MLF1: variants seen among roughly 807,000 people sequenced by gnomAD.
The protein encoded by MLF1 is myelodysplasia-myeloid leukemia factor 1.
Under a neutral mutation model 38.3 loss-of-function variants are expected in MLF1, and 37 were observed. That is an observed-to-expected ratio of 0.96 (90% confidence interval 0.74 to 1.27). MLF1 has a LOEUF of 1.27. Among genes scored for constraint, MLF1 ranks in the 50% most tolerant of loss-of-function variants. The probability of loss-of-function intolerance (pLI) is 0.00; values close to 1 mark genes in which losing one functional copy is unlikely to be tolerated. For synonymous variants in MLF1, 95 were observed against 106.5 expected, an observed-to-expected ratio of 0.89 and a Z score of 0.66; for missense variants, 331 against 349.2, an observed-to-expected ratio of 0.95 and a Z score of 0.42.
intron 7 of MLF1, 23 bp downstream of exon 7, chr3:158,602,962 T>A: frequency 6.3e-7 from 1 of 1,590,390 alleles, no homozygotes; most frequent in Non-Finnish European, 8.5e-7. Context: ...TCTAAAATAG[T>A]TTGGTTTTTT....
intron 1 of MLF1, among the ~76,000 whole-genome samples, chr3:158,572,408 TTGG>T (rs1174061817): frequency 1.1e-5 from 1 of 92,076 alleles, no homozygotes; most frequent in Non-Finnish European, 2.2e-5. Context: ...AGGGCATGAG[TTGG>T]TGGGGATGGT....
At chr3:158,597,001 T>C in intron 4 of MLF1, 56 bp downstream of exon 4, 1 of 1,145,768 alleles carries the variant, frequency 8.7e-7, no homozygotes, top group East Asian at 2.5e-5. Flanking sequence ...TATATTCTAT[T>C]TCATAGTGGC....
chr3:158,583,627 T>C (rs562301823), intron 1 of MLF1, among the ~76,000 whole-genome samples: 170 of 152,190 alleles, frequency 1.1e-3, no homozygotes, highest in Non-Finnish European at 2.0e-3. Flanking sequence ...GTCTCAGATA[T>C]TGAACCAAAC....
intron 1 of MLF1, among the ~76,000 whole-genome samples, chr3:158,590,085 T>C (rs2108608978): frequency 6.6e-6 from 1 of 152,266 alleles, no homozygotes; most frequent in East Asian, 1.9e-4. Context: ...AATATATTCA[T>C]GTTAAGAGAA....
At position 158,598,299 on chromosome 3, in the gene MLF1, G is replaced by A. The variant is rs923736514; in HGVS notation, c.453+91G>A. The A allele has an allele frequency of 7.7e-6, 8 of 1,039,612 alleles. No homozygotes were observed. The Admixed American group carries it at 2.0e-4, about 26-fold the overall frequency. The allele number at this position is 1,039,612 out of a possible 1,614,324, so 64.4% of individuals were successfully genotyped here. A position where few individuals can be genotyped will look rare whatever the true frequency, so the allele number is the denominator to read the frequency against. ...ATTTTAACTATTAAAATTTAATCTG[G>A]TACAAGATGGTGGGGGGACAGGAGG... On this transcript the variant is annotated intron_variant, in intron 5 of 7. Transcript: ENST00000466246.
intron 1 of MLF1, among the ~76,000 whole-genome samples, chr3:158,577,867 C>T (rs1715690878): frequency 6.6e-6 from 1 of 152,124 alleles, no homozygotes; most frequent in South Asian, 2.1e-4. Flanking sequence ...TATAGAATAT[C>T]AGGGGAGCAT....
chr3:158,582,177 C>CAA (rs1184908201), intron 1 of MLF1, among the ~76,000 whole-genome samples: 1 of 143,028 alleles, frequency 7.0e-6, no homozygotes, highest in Non-Finnish European at 1.5e-5. Flanking sequence ...GAGACTCTGT[C>CAA]AAAAAAAAAA....
At chr3:158,595,159 A>T (rs975007246) in intron 3 of MLF1, among the ~76,000 whole-genome samples, 1 of 152,176 alleles carries the variant, frequency 6.6e-6, no homozygotes, top group Non-Finnish European at 1.5e-5. Flanking sequence ...AAGATGAAAC[A>T]GGGTAATGAT....
chr3:158,606,162 T>G lies in MLF1; in HGVS notation c.*960T>G, dbSNP rs1255873344. The G allele has an allele frequency of 5.6e-6, 1 of 178,324 alleles. No homozygotes were observed. The highest frequency in any genetic ancestry group is 1.2e-5 in the Non-Finnish European group (1 of 83,060). The allele number at this position is 178,324 out of a possible 1,614,324, so 11.0% of individuals were successfully genotyped here. On this transcript the variant is annotated 3_prime_UTR_variant, in exon 8 of 8. Coordinates refer to ENST00000466246, the MANE Select transcript of MLF1 (RefSeq NM_001369783.1). ...TTTAATTATACCATTAAAAATCAGCTTTAGCTTTTTAATTCTAGAATTTAA... is the reference window on the plus strand; with the variant it reads ...TTTAATTATACCATTAAAAATCAGCGTTAGCTTTTTAATTCTAGAATTTAA...
chr3:158,597,036 T>C (rs1718984288), intron 4 of MLF1, 91 bp downstream of exon 4: 4 of 734,776 alleles, frequency 5.4e-6, no homozygotes, highest in Non-Finnish European at 9.0e-6. Context: ...TTAACCATAG[T>C]GGTTAAAAAA....
Position 158,605,927 on chromosome 3 carries a change from T to A in MLF1, c.*725T>A, listed in dbSNP as rs7617983. The A allele has an allele frequency of 0.16, 29,364 of 182,388 alleles. 2,466 individuals are homozygous for A. The highest frequency in any genetic ancestry group is 0.22 in the South Asian group (1,135 of 5,068). The allele number at this position is 182,388 out of a possible 1,614,324, so 11.3% of individuals were successfully genotyped here. A position where few individuals can be genotyped will look rare whatever the true frequency, so the allele number is the denominator to read the frequency against. On this transcript the variant is annotated 3_prime_UTR_variant, in exon 8 of 8. Transcript: ENST00000466246. ...TTAACTTCTTAATGTGGCATATTTCTACTCTCCTTTCCCACAAACAGCTTC... is the reference window on the plus strand; with the variant it reads ...TTAACTTCTTAATGTGGCATATTTCAACTCTCCTTTCCCACAAACAGCTTC...
intron 1 of MLF1, among the ~76,000 whole-genome samples, chr3:158,591,351 G>A (rs1196325395): frequency 6.6e-6 from 1 of 151,798 alleles, no homozygotes; most frequent in African/African-American, 2.4e-5. Flanking sequence ...GTAGAGATGG[G>A]GTTTTACCAT....
chr3:158,572,402 C>G (rs1329426857), intron 1 of MLF1, among the ~76,000 whole-genome samples: 1 of 85,414 alleles, frequency 1.2e-5, no homozygotes, highest in Non-Finnish European at 2.3e-5. Flanking sequence ...GGATTGAGGG[C>G]ATGAGTTGGT....
intron 4 of MLF1, among the ~76,000 whole-genome samples, chr3:158,597,699 A>C (rs1357060159): frequency 2.0e-5 from 3 of 152,158 alleles, no homozygotes; most frequent in Non-Finnish European, 4.4e-5. Flanking sequence ...TAATGTTGGC[A>C]AGATTACACA....
At chr3:158,592,400 C>G (rs549466372) in intron 1 of MLF1, 34 bp from the exon 2 acceptor site, 1 of 1,567,730 alleles carries the variant, frequency 6.4e-7, no homozygotes, top group Non-Finnish European at 8.6e-7. Context: ...AACTCCAACA[C>G]TGAATCTTTC....
chr3:158,582,515 T>C (rs1048924632), intron 1 of MLF1: 4 of 209,648 alleles, frequency 1.9e-5, no homozygotes, highest in Non-Finnish European at 3.8e-5. Context: ...GCAGAATAAA[T>C]GCAAAAAAAA....
intron 1 of MLF1, among the ~76,000 whole-genome samples, chr3:158,580,194 A>C (rs1334841277): frequency 6.6e-6 from 1 of 152,050 alleles, no homozygotes; most frequent in Non-Finnish European, 1.5e-5. Flanking sequence ...ACTGGACTTA[A>C]TACCTAGGTG....
rs1310158192 is a variant in MLF1 at position 158,600,149 on chromosome 3, C to T, written c.589C>T (p.Gln197Ter). ...GAAGACTGGAGATGAAGAGGTCAAC[C>T]AGGAGTTCATCAATATGAATGAAAG... ...NKKTGDEEVN[Q>*]EFINMNESDA... The change falls in exon 6 of 8, where the codon CAG becomes TAG. Residue 197 changes from glutamine (Q) to a stop codon, truncating the protein, a stop_gained. Coordinates refer to ENST00000466246, the MANE Select transcript of MLF1 (RefSeq NM_001369783.1). LOFTEE classifies it high-confidence loss of function. The T allele has an allele frequency of 3.4e-6, 5 of 1,450,224 alleles. No homozygotes were observed. The highest frequency in any genetic ancestry group is 4.6e-6 in the Non-Finnish European group (5 of 1,097,804). The allele number at this position is 1,450,224 out of a possible 1,614,324, so 89.8% of individuals were successfully genotyped here.
At chr3:158,582,356 T>C (rs1325663398) in intron 1 of MLF1, among the ~76,000 whole-genome samples, 1 of 151,150 alleles carries the variant, frequency 6.6e-6, no homozygotes, top group Non-Finnish European at 1.5e-5. Flanking sequence ...TGGCAAGAAC[T>C]GTAGGGCAAC....
Sources: gnomAD v4.1 joint callset for allele counts (sites outside exome capture counted in the v4.1 genomes callset) on GRCh38, gnomAD v4.1.1 for gene constraint, MANE v1.5 for transcripts, NCBI Gene and HGNC (gene_info 2026-07-23, HGNC 2026-07-21) for gene names.